PLS1: variants seen among roughly 807,000 people sequenced by gnomAD.
The protein encoded by PLS1 is plastin 1.
PLS1 carries 32 observed loss-of-function variants against 73.7 expected under a neutral mutation model. The observed-to-expected ratio is 0.43, with a 90% CI of 0.33 to 0.58. The LOEUF is 0.58. Among genes scored for constraint, PLS1 ranks in the 20% least tolerant of loss-of-function variants. PLS1 has a pLI of 0.04. For synonymous variants in PLS1, 217 were observed against 261.3 expected, an observed-to-expected ratio of 0.83 and a Z score of 1.63; for missense variants, 633 against 740.5, an observed-to-expected ratio of 0.85 and a Z score of 1.68.
At chr3:142,612,478 C>T (rs1204320432) in intron 1 of PLS1, among the ~76,000 whole-genome samples, 4 of 152,234 alleles carry the variant, frequency 2.6e-5, no homozygotes, top group African/African-American at 2.4e-5. Flanking sequence ...CCCGGTGGCT[C>T]ATTCCACTGT....
chr3:142,625,022 T>A (rs1019557786), intron 1 of PLS1, among the ~76,000 whole-genome samples: 1 of 152,212 alleles, frequency 6.6e-6, no homozygotes, highest in African/African-American at 2.4e-5. Flanking sequence ...CTTATTAGGT[T>A]TCTTTGCATA....
At chr3:142,670,044 AT>A (rs199500999) in intron 3 of PLS1, among the ~76,000 whole-genome samples, 3,119 of 149,684 alleles carry the variant, frequency 0.021, 42 homozygotes, top group Middle Eastern at 0.051. Flanking sequence ...ATAAAAGATA[AT>A]TGGAGAATTG....
intron 6 of PLS1, among the ~76,000 whole-genome samples, chr3:142,682,004 C>T (rs888546984): frequency 6.6e-6 from 1 of 152,156 alleles, no homozygotes; most frequent in Admixed American, 6.5e-5. Context: ...GTTGATAAGA[C>T]AAAGCTGAGT....
intron 3 of PLS1, among the ~76,000 whole-genome samples, chr3:142,670,396 C>T (rs2037579939): frequency 1.3e-5 from 2 of 151,954 alleles, no homozygotes; most frequent in African/African-American, 2.4e-5. Flanking sequence ...AGGGCCATGT[C>T]GAATTTTTGT....
chr3:142,615,215 G>C (rs2036194849), intron 1 of PLS1, among the ~76,000 whole-genome samples: 1 of 152,210 alleles, frequency 6.6e-6, no homozygotes, highest in Non-Finnish European at 1.5e-5. Context: ...GATTGACCCA[G>C]AGAAGTGATG....
intron 10 of PLS1, among the ~76,000 whole-genome samples, chr3:142,691,215 A>C (rs2038078620): frequency 6.6e-6 from 1 of 152,170 alleles, no homozygotes; most frequent in Non-Finnish European, 1.5e-5. Context: ...TCTTCAAAGA[A>C]TATGAGTAAT....
At chr3:142,679,871 G>A (rs888217776) in intron 6 of PLS1, among the ~76,000 whole-genome samples, 8 of 152,196 alleles carry the variant, frequency 5.3e-5, no homozygotes, top group African/African-American at 1.7e-4. Context: ...GGGCAGTATG[G>A]CCATTTTCAT....
chr3:142,602,513 G>A (rs2035944826), intron 1 of PLS1, among the ~76,000 whole-genome samples: 1 of 152,088 alleles, frequency 6.6e-6, no homozygotes, highest in Non-Finnish European at 1.5e-5. Context: ...TTTAAGATTG[G>A]GGAGTTGTGA....
chr3:142,621,049 A>G (rs969233956), intron 1 of PLS1, among the ~76,000 whole-genome samples: 1 of 151,940 alleles, frequency 6.6e-6, no homozygotes, highest in Non-Finnish European at 1.5e-5. Flanking sequence ...AAGAGCAAAC[A>G]AGAACTGCAC....
chr3:142,701,553 A>G (rs2038332660), intron 12 of PLS1, among the ~76,000 whole-genome samples: 1 of 152,148 alleles, frequency 6.6e-6, no homozygotes, highest in Admixed American at 6.5e-5. Flanking sequence ...TTCTTTCTCT[A>G]GTTTGGTACC....
At chr3:142,622,224 A>G (rs2036329953) in intron 1 of PLS1, among the ~76,000 whole-genome samples, 1 of 152,234 alleles carries the variant, frequency 6.6e-6, no homozygotes, top group African/African-American at 2.4e-5. Context: ...CCTTTAAAAT[A>G]TTTAAATGTG....
At chr3:142,700,525 G>A (rs951705984) in intron 12 of PLS1, among the ~76,000 whole-genome samples, 12 of 152,132 alleles carry the variant, frequency 7.9e-5, no homozygotes, top group East Asian at 7.7e-4. Context: ...GGGTTTCACC[G>A]TGTTAGCCAG....
intron 1 of PLS1, among the ~76,000 whole-genome samples, chr3:142,659,072 C>G (rs944620951): frequency 1.3e-5 from 2 of 152,246 alleles, no homozygotes; most frequent in East Asian, 3.9e-4. Flanking sequence ...CAGATAAATG[C>G]GTAGTGAGCT....
chr3:142,603,558 C>T (rs1357367160), intron 1 of PLS1, among the ~76,000 whole-genome samples: 2 of 152,040 alleles, frequency 1.3e-5, no homozygotes, highest in Admixed American at 6.6e-5. Flanking sequence ...GCAGGTGGAT[C>T]GCTTGAGCTC....
chr3:142,601,678 T>C (rs1395182789), intron 1 of PLS1, among the ~76,000 whole-genome samples: 1 of 151,914 alleles, frequency 6.6e-6, no homozygotes, highest in Non-Finnish European at 1.5e-5. Flanking sequence ...CGTGCCCGGC[T>C]TATTAAAAAA....
At chr3:142,694,375 G>A in intron 10 of PLS1, 94 bp from the exon 11 acceptor site, 1 of 645,066 alleles carries the variant, frequency 1.6e-6, no homozygotes, top group Non-Finnish European at 2.7e-6. Flanking sequence ...TGGCAAGGTA[G>A]GTTTGACCAG....
intron 8 of PLS1, 41 bp downstream of exon 8, chr3:142,684,436 A>G (rs2037922077): frequency 6.5e-7 from 1 of 1,537,794 alleles, no homozygotes; most frequent in African/African-American, 1.4e-5. Context: ...TGAAATAAGG[A>G]TGTGCAGTGT....
At chr3:142,660,148 T>C (rs2037337688) in intron 1 of PLS1, among the ~76,000 whole-genome samples, 1 of 152,072 alleles carries the variant, frequency 6.6e-6, no homozygotes, top group African/African-American at 2.4e-5. Context: ...CTTAGAACAG[T>C]TTCAGGAAAA....
At chr3:142,626,881 T>G (rs1186354047) in intron 1 of PLS1, among the ~76,000 whole-genome samples, 1 of 152,242 alleles carries the variant, frequency 6.6e-6, no homozygotes, top group East Asian at 1.9e-4. Context: ...ATGTACAAAC[T>G]GTAGAACATC....
Sources: gnomAD v4.1 joint callset for allele counts (sites outside exome capture counted in the v4.1 genomes callset) on GRCh38, gnomAD v4.1.1 for gene constraint, MANE v1.5 for transcripts, NCBI Gene and HGNC (gene_info 2026-07-23, HGNC 2026-07-21) for gene names.